The following EML5 variants were observed in gnomAD, a reference collection of about 807,000 sequenced individuals.
EML5 encodes the protein EMAP like 5.
EML5 carries 120 observed loss-of-function variants against 250.0 expected under a neutral mutation model. That is an observed-to-expected ratio of 0.48 (90% CI 0.41 to 0.56). EML5 has a LOEUF of 0.56. Ranked by LOEUF, EML5 falls within the 20% of genes least tolerant of loss-of-function variation. The pLI is 0.00. For synonymous variants in EML5, 771 were observed against 806.5 expected, an observed-to-expected ratio of 0.96 and a Z score of 0.75; for missense variants, 2,006 against 2,437.6, an observed-to-expected ratio of 0.82 and a Z score of 3.73.
chr14:88,683,231 G>C lies in EML5; in HGVS notation c.2983-1200C>G, dbSNP rs116510069. Among the ~76,000 whole-genome samples the C allele has an allele frequency of 3.9e-3, 543 of 139,604 alleles. 3 individuals are homozygous for C. Among genetic ancestry groups the C allele is most frequent in the African/African-American group, 0.014 (521 of 37,816 alleles). 91.6% of individuals were successfully genotyped at this position (139,604 alleles called of 152,430 possible). A position where few individuals can be genotyped will look rare whatever the true frequency, so the allele number is the denominator to read the frequency against. ...GGCTAAACCGTAGGCCAGCTAGTTTGTCCAAGAGAACCAGTAAACTCGCAG... is the reference window on the plus strand; with the variant it reads ...GGCTAAACCGTAGGCCAGCTAGTTTCTCCAAGAGAACCAGTAAACTCGCAG... On this transcript the variant is annotated intron_variant, in intron 20 of 43. Coordinates refer to ENST00000554922, the MANE Select transcript of EML5 (RefSeq NM_183387.3).
chr14:88,641,930 G>A (rs1275173398), intron 31 of EML5, among the ~76,000 whole-genome samples: 1 of 152,120 alleles, frequency 6.6e-6, no homozygotes, highest in Admixed American at 6.5e-5. Context: ...TCTCTCTGAA[G>A]GACAGACAGA....
intron 1 of EML5, among the ~76,000 whole-genome samples, chr14:88,772,653 T>A (rs768812736): frequency 6.6e-6 from 1 of 151,826 alleles, no homozygotes; most frequent in Admixed American, 6.6e-5. Context: ...CTGGGGAGGC[T>A]GAGGCAGAAG....
At position 88,616,863 on chromosome 14, in the gene EML5, C is replaced by T. The variant is rs1595176649; in HGVS notation, c.5659G>A (p.Val1887Ile). ...GCATGTCTGGACCAGATTCCCAAAA[C>T]CTCATCTCCTAGAATACTAGAGGGA... ...ATWTSILGDE[V>I]LGIWSRHAEK... The change falls in exon 42 of 44, where the codon GTT becomes ATT. Residue 1887 changes from valine to isoleucine, a missense_variant. By Grantham distance (29) the Val-to-Ile change is conservative (BLOSUM62 3). Around this residue, in one of 7 missense-constraint regions of EML5, gnomAD observed 405 missense variants for 523.3 expected, o/e 0.77. Transcript: ENST00000554922. 6.2e-7 allele frequency: 1 copy of T among 1,613,776 alleles called. No individual in the cohort carries two copies. The highest frequency in any genetic ancestry group is 8.5e-7 in the Non-Finnish European group (1 of 1,179,776).
intron 2 of EML5, among the ~76,000 whole-genome samples, chr14:88,749,294 C>G (rs1292566666): frequency 6.6e-6 from 1 of 152,126 alleles, no homozygotes; most frequent in Non-Finnish European, 1.5e-5. Context: ...GTTTAAAGTG[C>G]TGAGGCAGAA....
rs371266336 is a variant in EML5, at chr14:88,618,323, A to C, written c.5547T>G (p.Ser1849Arg). The C allele has an allele frequency of 6.2e-7, 1 of 1,613,526 alleles. No individual in the cohort carries two copies. The highest frequency in any genetic ancestry group is 8.5e-7 in the Non-Finnish European group (1 of 1,179,754). ...CATAGACATGCCGTTTATAGCAGCCACTAGAGACCTTTTTCATCAGATTAA... is the reference window on the plus strand; with the variant it reads ...CATAGACATGCCGTTTATAGCAGCCCCTAGAGACCTTTTTCATCAGATTAA... ...SADSSYLQVS[S>R]GCYKRHVYEV... The change falls in exon 41 of 44, where the codon AGT (serine) becomes AGG (arginine). Residue 1849 changes from serine (S) to arginine (R), a missense_variant. Physicochemically the swap from Ser to Arg is moderately radical, Grantham distance 110. Coordinates refer to ENST00000554922, the MANE Select transcript of EML5 (RefSeq NM_183387.3).
Position 88,618,743 on chromosome 14 carries a change from C to A in EML5, c.5445G>T (p.Thr1815=). Residue 1815 remains threonine (T), a synonymous_variant, in exon 40 of 44, where the codon ACG becomes ACT. Transcript: ENST00000554922. ...SENSVDFYDL[T]LGPTLNRISY... Reference sequence around the variant, plus strand: ...TGATTCTGTTAAGAGTGGGGCCCAGCGTTAGGTCATAAAAATCCACTGAGT... The same window carrying A: ...TGATTCTGTTAAGAGTGGGGCCCAGAGTTAGGTCATAAAAATCCACTGAGT... The A allele has an allele frequency of 6.2e-7, 1 of 1,605,884 alleles. No homozygotes were observed. The highest frequency in any genetic ancestry group is 8.5e-7 in the Non-Finnish European group (1 of 1,175,632).
intron 15 of EML5, among the ~76,000 whole-genome samples, chr14:88,695,781 T>C (rs1327482870): frequency 1.4e-4 from 21 of 151,966 alleles, no homozygotes; most frequent in Admixed American, 1.4e-3. Context: ...AACAAAGGGA[T>C]GAAGAAAATA....
chr14:88,769,304 T>TC (rs899661357), intron 1 of EML5, among the ~76,000 whole-genome samples: 13 of 152,220 alleles, frequency 8.5e-5, no homozygotes, highest in African/African-American at 3.1e-4. Flanking sequence ...TCATGAGATC[T>TC]CCCCACCTCG....
chr14:88,670,256 G>A (rs1209847803), intron 21 of EML5, among the ~76,000 whole-genome samples: 1 of 147,012 alleles, frequency 6.8e-6, no homozygotes, highest in East Asian at 2.0e-4. Context: ...GGAAGTGGAG[G>A]TTGCAGTGGG....
At chr14:88,729,374 T>C (rs544542072) in intron 7 of EML5, among the ~76,000 whole-genome samples, 1 of 152,300 alleles carries the variant, frequency 6.6e-6, no homozygotes, top group Non-Finnish European at 1.5e-5. Context: ...AACCATGTCC[T>C]GTGGGCCAAA....
intron 28 of EML5, 103 bp downstream of exon 28, chr14:88,649,809 T>C (rs879325679): frequency 4.4e-6 from 4 of 909,162 alleles, no homozygotes; most frequent in Non-Finnish European, 6.6e-6. Flanking sequence ...TGTTGACAAA[T>C]GTAGTTAAAT....
intron 27 of EML5, among the ~76,000 whole-genome samples, chr14:88,651,154 C>CTTTTTTTTTTTT (rs869045980): frequency 7.5e-5 from 7 of 93,138 alleles, no homozygotes; most frequent in Non-Finnish European, 1.2e-4. Flanking sequence ...TTGTCATTTT[C>CTTTTTTTTTTTT]TTTTTTTTTT....
intron 21 of EML5, among the ~76,000 whole-genome samples, chr14:88,670,725 A>G (rs1356462305): frequency 2.0e-5 from 3 of 152,228 alleles, no homozygotes; most frequent in African/African-American, 7.2e-5. Flanking sequence ...AAGAACACAA[A>G]TGACCTGAAG....
At chr14:88,789,191 A>T (rs1461573991) in intron 1 of EML5, among the ~76,000 whole-genome samples, 1 of 152,160 alleles carries the variant, frequency 6.6e-6, no homozygotes, top group Non-Finnish European at 1.5e-5. Context: ...ACTTAGTCTT[A>T]AATCTAGACT....
At chr14:88,745,153 T>C (rs1038561727) in intron 3 of EML5, among the ~76,000 whole-genome samples, 6 of 120,100 alleles carry the variant, frequency 5.0e-5, no homozygotes, top group Admixed American at 5.0e-4. Context: ...TTAATAATGG[T>C]CTAAATTGTG....
At chr14:88,713,955 G>A (rs987618869) in intron 9 of EML5, among the ~76,000 whole-genome samples, 3 of 148,154 alleles carry the variant, frequency 2.0e-5, no homozygotes, top group Non-Finnish European at 4.4e-5. Context: ...CTCCCATCCC[G>A]ACCTCCCGAA....
At chr14:88,685,219 T>C in intron 19 of EML5, 77 bp from the exon 20 acceptor site, 3 of 1,241,158 alleles carry the variant, frequency 2.4e-6, no homozygotes, top group Non-Finnish European at 3.3e-6. Context: ...CCAATTAAGC[T>C]ATTTTGACAG....
intron 33 of EML5, among the ~76,000 whole-genome samples, chr14:88,632,649 A>G (rs1353195125): frequency 6.6e-6 from 1 of 152,210 alleles, no homozygotes; most frequent in African/African-American, 2.4e-5. Context: ...GGTTACTGTC[A>G]TCAGAAGGGC....
chr14:88,618,635 GTA>G lies in EML5; in HGVS notation c.5538+13_5538+14del, dbSNP rs769608854. Reference sequence around the variant, plus strand: ...GAAGAACTTGCCACCTGGGTATACAGTATTGGTACTGTACCTGGAGATAACTG... The same window carrying G: ...GAAGAACTTGCCACCTGGGTATACAGTTGGTACTGTACCTGGAGATAACTG... On this transcript the variant is annotated intron_variant, in intron 40 of 43. Transcript: ENST00000554922. The G allele has an allele frequency of 1.1e-5, 17 of 1,610,132 alleles. No individual in the cohort carries two copies. Among genetic ancestry groups the G allele is most frequent in the African/African-American group, 2.7e-5 (2 of 74,820 alleles).
Sources: gnomAD v4.1 joint callset for allele counts (sites outside exome capture counted in the v4.1 genomes callset) on GRCh38, gnomAD v4.1.1 for gene constraint, gnomAD v4.1.1 regional missense constraint, MANE v1.5 for transcripts, NCBI Gene and HGNC (gene_info 2026-07-23, HGNC 2026-07-21) for gene names.